The following NTN1 variants were observed in gnomAD, a reference collection of about 807,000 sequenced individuals.
NTN1 encodes netrin-1.
In NTN1, 11 loss-of-function variants were observed where a neutral mutation model predicts 54.2. That is an observed-to-expected ratio of 0.20 (90% CI 0.13 to 0.34). The LOEUF is 0.34. NTN1 is among the 10% of genes least tolerant of loss of function. The pLI is 1.00. For missense variants in NTN1, 740 were observed against 893.1 expected (o/e 0.83, Z 2.18); for synonymous variants, 371 against 382.0 (o/e 0.97, Z 0.33).
intron 5 of NTN1, among the ~76,000 whole-genome samples, chr17:9,193,978 G>A (rs898293597): frequency 2.1e-5 from 3 of 145,950 alleles, no homozygotes; most frequent in African/African-American, 5.1e-5. Context: ...GCTCACGCCT[G>A]TAATCCCAGC....
chr17:9,184,576 G>A (rs2092427730), intron 5 of NTN1, among the ~76,000 whole-genome samples: 1 of 152,176 alleles, frequency 6.6e-6, no homozygotes, highest in Non-Finnish European at 1.5e-5. Context: ...GCACACCGCG[G>A]GGGGCTGAGG....
chr17:9,023,403 G>GCGGCGGCGGAGC lies in NTN1; in HGVS notation c.1018+22_1018+33dup, dbSNP rs2091860023. 8.8e-6 allele frequency: 12 copies of GCGGCGGCGGAGC among 1,358,188 alleles called. No individual in the cohort carries two copies. In the Admixed American group the frequency reaches 1.1e-4, roughly 13 times the overall value. 84.1% of individuals were successfully genotyped at this position (1,358,188 alleles called of 1,614,324 possible). A position where few individuals can be genotyped will look rare whatever the true frequency, so the allele number is the denominator to read the frequency against. On this transcript the variant is annotated intron_variant, in intron 2 of 6. Transcript: ENST00000173229. ...CAACGAGTGCGTGGGTGAGTGGGGT[G>GCGGCGGCGGAGC]CGGCGGCGGAGCCGGCGGCGGGTGG... is the stretch of plus-strand genomic sequence containing the variant.
intron 2 of NTN1, among the ~76,000 whole-genome samples, chr17:9,029,923 C>T (rs1019700035): frequency 6.6e-5 from 10 of 151,606 alleles, no homozygotes; most frequent in South Asian, 2.1e-4. Context: ...ACCAGGGACT[C>T]GGAGGTTGTG....
At chr17:9,163,346 G>C (rs1002912074) in intron 3 of NTN1, among the ~76,000 whole-genome samples, 1 of 152,012 alleles carries the variant, frequency 6.6e-6, no homozygotes, top group South Asian at 2.1e-4. Context: ...CTCTGCACAG[G>C]TGTGCTGCAT....
chr17:9,141,168 A>T (rs148327304), intron 2 of NTN1, among the ~76,000 whole-genome samples: 1 of 151,640 alleles, frequency 6.6e-6, no homozygotes, highest in African/African-American at 2.4e-5. Flanking sequence ...GGGACTAGAG[A>T]TATATATTTG....
chr17:9,190,531 T>G (rs1597528744), intron 5 of NTN1, among the ~76,000 whole-genome samples: 1 of 152,198 alleles, frequency 6.6e-6, no homozygotes, highest in South Asian at 2.1e-4. Flanking sequence ...GGTGTAGGAA[T>G]AGAGAGATCA....
the NTN1 span, among the ~76,000 whole-genome samples, chr17:9,013,350 A>G: frequency 1.3e-4 from 19 of 150,646 alleles, no homozygotes; most frequent in East Asian, 1.4e-3. Context: ...CCAAGTAGCT[A>G]GGATTACAGG....
chr17:9,020,732 G>A (rs2091843299), upstream of NTN1, among the ~76,000 whole-genome samples: 2 of 152,192 alleles, frequency 1.3e-5, 1 homozygote, highest in African/African-American at 4.8e-5. Context: ...GGGAGGGCTG[G>A]GCTGTCCCCA....
intron 2 of NTN1, among the ~76,000 whole-genome samples, chr17:9,091,435 C>G (rs542411717): frequency 6.7e-6 from 1 of 148,202 alleles, no homozygotes. Context: ...TAAACTGGAT[C>G]CTACGTTTAA....
chr17:9,225,939 C>A (rs935601296), intron 6 of NTN1, among the ~76,000 whole-genome samples: 6 of 152,224 alleles, frequency 3.9e-5, no homozygotes, highest in African/African-American at 1.4e-4. Flanking sequence ...CCAGGCCTCG[C>A]AGACCTTGCC....
chr17:9,033,683 C>T (rs1043395010), intron 2 of NTN1, among the ~76,000 whole-genome samples: 6 of 151,990 alleles, frequency 3.9e-5, no homozygotes, highest in Admixed American at 2.6e-4. Flanking sequence ...TTCGGGAGGC[C>T]GAGGCAGGCG....
At chr17:9,237,937 C>T (rs998822954) in intron 6 of NTN1, among the ~76,000 whole-genome samples, 2 of 152,184 alleles carry the variant, frequency 1.3e-5, no homozygotes. Flanking sequence ...TTGGAGCCCT[C>T]AGACTGGAGT....
intron 5 of NTN1, among the ~76,000 whole-genome samples, chr17:9,197,575 A>C (rs1157227143): frequency 6.6e-6 from 1 of 151,244 alleles, no homozygotes; most frequent in Non-Finnish European, 1.5e-5. Context: ...CACGAGAAAC[A>C]CTTGAACAGA....
chr17:9,085,785 C>T (rs1436110277), intron 2 of NTN1, among the ~76,000 whole-genome samples: 1 of 152,180 alleles, frequency 6.6e-6, no homozygotes, highest in Non-Finnish European at 1.5e-5. Context: ...AGGTTTTGAG[C>T]ACCTGCTATG....
intron 2 of NTN1, among the ~76,000 whole-genome samples, chr17:9,057,653 T>G (rs2091983529): frequency 6.6e-6 from 1 of 152,206 alleles, no homozygotes; most frequent in Admixed American, 6.5e-5. Flanking sequence ...ACAAAACATC[T>G]CCTTTAAACC....
intron 2 of NTN1, among the ~76,000 whole-genome samples, chr17:9,034,263 GGAGACCCA>G (rs1234459475): frequency 2.0e-5 from 3 of 152,138 alleles, no homozygotes; most frequent in African/African-American, 7.2e-5. Context: ...GGTACAGGAA[GGAGACCCA>G]GAGGTAGGGT....
chr17:9,043,368 T>A (rs2091929158), intron 2 of NTN1, among the ~76,000 whole-genome samples: 1 of 152,202 alleles, frequency 6.6e-6, no homozygotes, highest in Non-Finnish European at 1.5e-5. Flanking sequence ...TCTATAACAC[T>A]GTGAATTGAG....
intron 2 of NTN1, among the ~76,000 whole-genome samples, chr17:9,110,959 G>T (rs2092188349): frequency 7.4e-6 from 1 of 134,790 alleles, no homozygotes. Flanking sequence ...TTTTGAGATG[G>T]AGTCTTACTC....
intron 2 of NTN1, among the ~76,000 whole-genome samples, chr17:9,150,611 G>A (rs891577407): frequency 2.0e-5 from 3 of 152,230 alleles, no homozygotes; most frequent in Non-Finnish European, 2.9e-5. Context: ...TCCAAGAGAG[G>A]GGCCCGCCCG....
Sources: gnomAD v4.1 joint callset for allele counts (sites outside exome capture counted in the v4.1 genomes callset) on GRCh38, gnomAD v4.1.1 for gene constraint, MANE v1.5 for transcripts, NCBI Gene and HGNC (gene_info 2026-07-23, HGNC 2026-07-21) for gene names.